BID: variants seen among roughly 807,000 people sequenced by gnomAD.
BID encodes the protein BH3-interacting domain death agonist.
Under a neutral mutation model 17.4 loss-of-function variants are expected in BID, and 19 were observed. That is an observed-to-expected ratio of 1.09 (90% confidence interval 0.76 to 1.60). BID has a LOEUF of 1.60. Among genes scored for constraint, BID ranks in the 40% most tolerant of loss-of-function variants. BID has a pLI of 0.00. For synonymous variants in BID, 108 were observed against 102.8 expected (o/e 1.05, Z -0.31); for missense variants, 226 against 256.0 (o/e 0.88, Z 0.80).
In BID at chr22:17,773,597, C is replaced by CCAGCCCA; in HGVS notation, c.-59+777_-59+783dup. The CCAGCCCA allele has an allele frequency of 1.2e-6, 2 of 1,612,528 alleles. No homozygotes were observed. The highest frequency in any genetic ancestry group is 2.2e-5 in the South Asian group (2 of 91,072). ...GGTCCAGCCGCAGAAGGCCCAGCCC[C>CCAGCCCA]CAGCCCACTTACAGAATCCGCACTG... On this transcript the variant is annotated intron_variant, in intron 1 of 5. Coordinates refer to ENST00000622694, the MANE Select transcript of BID (RefSeq NM_001196.4). This position sits in a 1 kb window ranked among gnomAD's most constrained non-coding sequence, Gnocchi z 4.4.
rs147384200 is a variant in BID at position 17,756,606 on chromosome 22, C to T, written c.-58-6432G>A. 7.1e-3 allele frequency among the ~76,000 whole-genome samples: 933 copies of T among 131,102 alleles called. 13 individuals carry two copies. Among genetic ancestry groups the T allele is most frequent in the African/African-American group, 0.023 (868 of 38,568 alleles). 86.0% of individuals were successfully genotyped at this position (131,102 alleles called of 152,430 possible). Reference sequence around the variant, plus strand: ...TTTTTTCTTTTTTGAGATGGAGTCTCGCTCTGTTACCCAGGCCGGAGTGCA... The same window carrying T: ...TTTTTTCTTTTTTGAGATGGAGTCTTGCTCTGTTACCCAGGCCGGAGTGCA... On this transcript the variant is annotated intron_variant, in intron 1 of 5. Transcript: ENST00000622694.
rs1158053733 is a variant in BID, at chr22:17,735,597, G to A, written c.577-6C>T. On this transcript the variant is annotated splice_region_variant and splice_polypyrimidine_tract_variant and intron_variant, in intron 5 of 5. Transcript: ENST00000622694. The stretch of plus-strand genomic sequence containing the variant: ...CTGTCCGTTCAGTCCATCCCCTAGA[G>A]CAAGAAAGGAGAAAAAGCCAGAATC... The A allele has an allele frequency of 6.2e-7, 1 of 1,614,150 alleles. No homozygotes were observed. Among genetic ancestry groups the A allele is most frequent in the Admixed American group, 1.7e-5 (1 of 60,016 alleles).
At position 17,748,775 on chromosome 22, in the gene BID, G is replaced by A. The variant is rs1466919092; in HGVS notation, c.12+1330C>T. On this transcript the variant is annotated intron_variant, in intron 2 of 5. Transcript: ENST00000622694. ...GGCGCCTCCTCCGGCGAGTCAGGGCGCTGCGCGGGTGACGGTGGTGTTCTA... is the reference window on the plus strand; with the variant it reads ...GGCGCCTCCTCCGGCGAGTCAGGGCACTGCGCGGGTGACGGTGGTGTTCTA... Among the ~76,000 whole-genome samples, 3 of 152,216 alleles carry A rather than the reference G, an allele frequency of 2.0e-5. No individual in the cohort carries two copies. The East Asian group carries it at 5.8e-4, about 29-fold the overall frequency.
chr22:17,767,510 T>A (rs188776104), intron 1 of BID, among the ~76,000 whole-genome samples: 1 of 152,186 alleles, frequency 6.6e-6, no homozygotes, highest in African/African-American at 2.4e-5. Flanking sequence ...AGAGGTATCC[T>A]TCCCGGTGGA....
Position 17,743,996 on chromosome 22 carries a change from G to A in BID, c.30C>T (p.Ser10=). The change falls in exon 3 of 6, where the codon AGC becomes AGT. Residue 10 remains serine, a synonymous_variant. Transcript: ENST00000622694. ...GGTTTGTGATGCACTCATCCCTGAGGCTGGAACCGTTGTTGACCTGAGGGG... is the reference window on the plus strand; with the variant it reads ...GGTTTGTGATGCACTCATCCCTGAGACTGGAACCGTTGTTGACCTGAGGGG... MDCEVNNGS[S]LRDECITNLL... 8.7e-6 allele frequency: 14 copies of A among 1,613,910 alleles called. No homozygotes were observed. Among genetic ancestry groups the A allele is most frequent in the Non-Finnish European group, 1.2e-5 (14 of 1,179,952 alleles).
intron 1 of BID, among the ~76,000 whole-genome samples, chr22:17,762,393 G>T (rs1360631878): frequency 2.0e-5 from 3 of 152,080 alleles, no homozygotes; most frequent in Non-Finnish European, 4.4e-5. Flanking sequence ...CTACTCGGGA[G>T]GCTGAGGCAG....
chr22:17,759,441 A>G (rs1238971055), intron 1 of BID, among the ~76,000 whole-genome samples: 1 of 151,310 alleles, frequency 6.6e-6, no homozygotes, highest in African/African-American at 2.4e-5. Context: ...AATCCCAGCT[A>G]CTCGGGAGGC....
intron 1 of BID, among the ~76,000 whole-genome samples, chr22:17,765,380 C>A (rs2061670916): frequency 6.6e-6 from 1 of 152,102 alleles, no homozygotes; most frequent in African/African-American, 2.4e-5. Flanking sequence ...CTGAAAAAAA[C>A]CCAGGTATAC....
chr22:17,752,525 A>T (rs2061547189), intron 1 of BID, among the ~76,000 whole-genome samples: 1 of 152,198 alleles, frequency 6.6e-6, no homozygotes, highest in Admixed American at 6.5e-5. Context: ...ACCCATACCG[A>T]TGTTGTCACA....
intron 1 of BID, among the ~76,000 whole-genome samples, chr22:17,756,388 C>CTCTT (rs71691847): frequency 0.059 from 8,218 of 139,750 alleles, 499 homozygotes; most frequent in African/African-American, 0.15. Context: ...TCTTTCTGTT[C>CTCTT]TCTTTCTTTC....
At chr22:17,753,071 A>G (rs1014533140) in intron 1 of BID, among the ~76,000 whole-genome samples, 2 of 138,658 alleles carry the variant, frequency 1.4e-5, no homozygotes, top group African/African-American at 5.5e-5. Context: ...GGTTCACGCC[A>G]TTCTCCTGCC....
At chr22:17,736,344 C>CTTCT (rs1464907506) in intron 5 of BID, among the ~76,000 whole-genome samples, 1 of 151,812 alleles carries the variant, frequency 6.6e-6, no homozygotes, top group Non-Finnish European at 1.5e-5. Context: ...GTAATCCCAG[C>CTTCT]TTCTTGGGGG....
chr22:17,771,375 A>T (rs1455946815), intron 1 of BID, among the ~76,000 whole-genome samples: 1 of 152,114 alleles, frequency 6.6e-6, no homozygotes, highest in Non-Finnish European at 1.5e-5. Flanking sequence ...CTGGGATTAC[A>T]GGCGTGAGCC....
At chr22:17,751,235 G>A (rs955669327) in intron 1 of BID, among the ~76,000 whole-genome samples, 4 of 151,812 alleles carry the variant, frequency 2.6e-5, no homozygotes, top group Non-Finnish European at 4.4e-5. Context: ...AGCCGGGCGC[G>A]GTGGCGGGCG....
chr22:17,756,308 C>G (rs1474691469), intron 1 of BID, among the ~76,000 whole-genome samples: 1 of 152,258 alleles, frequency 6.6e-6, no homozygotes, highest in East Asian at 1.9e-4. Context: ...CGTTGACAAA[C>G]TGACGCAAAA....
At chr22:17,750,082 C>T in intron 2 of BID, 23 bp downstream of exon 2, 1 of 1,610,678 alleles carries the variant, frequency 6.2e-7, no homozygotes. Context: ...CACAAGGCAC[C>T]CGCAGGGGAT....
At chr22:17,751,186 CAA>C (rs1601853643) in intron 1 of BID, among the ~76,000 whole-genome samples, 5 of 151,718 alleles carry the variant, frequency 3.3e-5, no homozygotes, top group Admixed American at 1.3e-4. Flanking sequence ...TCCTGGCTAA[CAA>C]GGTGAAACCC....
chr22:17,752,084 A>G (rs1397379048), intron 1 of BID, among the ~76,000 whole-genome samples: 1 of 152,136 alleles, frequency 6.6e-6, no homozygotes, highest in African/African-American at 2.4e-5. Context: ...GAAAGTGCCC[A>G]CTGTCACCTC....
intron 1 of BID, among the ~76,000 whole-genome samples, chr22:17,751,297 G>C (rs1416410439): frequency 3.3e-5 from 5 of 151,726 alleles, no homozygotes; most frequent in African/African-American, 4.8e-5. Context: ...GCGTGAACCC[G>C]GGAAGCGGAG....
Sources: gnomAD v4.1 joint callset for allele counts (sites outside exome capture counted in the v4.1 genomes callset) on GRCh38, gnomAD v4.1.1 for gene constraint, Gnocchi (gnomAD v3.1) non-coding constraint, MANE v1.5 for transcripts, NCBI Gene and HGNC (gene_info 2026-07-23, HGNC 2026-07-21) for gene names.